VWA5B2: variants seen among roughly 807,000 people sequenced by gnomAD.
VWA5B2 encodes the protein von Willebrand factor A domain-containing protein 5B2.
VWA5B2 carries 93 observed loss-of-function variants against 118.5 expected under a neutral mutation model. That is an observed-to-expected ratio of 0.79 (90% CI 0.66 to 0.93). The LOEUF is 0.93. VWA5B2 is among the 40% of genes least tolerant of loss of function. The pLI is 0.00. For missense variants in VWA5B2, 1,546 were observed against 1,672.8 expected, an observed-to-expected ratio of 0.92 and a Z score of 1.32; for synonymous variants, 708 against 716.3, an observed-to-expected ratio of 0.99 and a Z score of 0.19.
chr3:184,241,762 C>G lies in VWA5B2; in HGVS notation c.3453C>G (p.Ser1151=), dbSNP rs1407546543. The change falls in exon 20 of 20, where the codon TCC becomes TCG. Residue 1151 remains serine, a synonymous_variant. Coordinates refer to ENST00000691901, the MANE Select transcript of VWA5B2 (RefSeq NM_001390846.1). This position sits in a 1 kb window ranked among gnomAD's most constrained non-coding sequence, Gnocchi z 5.1. ...DSGRGSDTEA[S]EGAEGLGGTD... is the part of the protein sequence containing the mutation. ...GGCGGGGCTCAGACACCGAGGCCTC[C>G]GAGGGGGCGGAAGGGCTGGGCGGCA... 3.4e-6 allele frequency: 5 copies of G among 1,482,634 alleles called. No individual in the cohort carries two copies. The highest frequency in any genetic ancestry group is 4.5e-6 in the Non-Finnish European group (5 of 1,119,236). The allele number at this position is 1,482,634 out of a possible 1,614,324, so 91.8% of individuals were successfully genotyped here.
chr3:184,235,958 CCA>C (rs1717937340), intron 8 of VWA5B2, among the ~76,000 whole-genome samples, 192 bp from the exon 9 acceptor site: 1 of 152,228 alleles, frequency 6.6e-6, no homozygotes, highest in Non-Finnish European at 1.5e-5. Context: ...ATGTGTACCT[CCA>C]GAGTCCCACA....
In VWA5B2 at chr3:184,238,832, C is replaced by T. The variant is rs543974000; in HGVS notation, c.2161C>T (p.Arg721Cys). The T allele has an allele frequency of 4.8e-5, 73 of 1,528,360 alleles. No individual in the cohort carries two copies. Among genetic ancestry groups the T allele is most frequent in the South Asian group, 3.4e-4 (28 of 82,880 alleles). 94.7% of individuals were successfully genotyped at this position (1,528,360 alleles called of 1,614,324 possible). ...GGCCTGGGGAGAACCTGCAGGCTCCCGCTCCTGTCCCCTGCCTGCACCCAC... is the reference window on the plus strand; with the variant it reads ...GGCCTGGGGAGAACCTGCAGGCTCCTGCTCCTGTCCCCTGCCTGCACCCAC... ...SLAWGEPAGS[R>C]SCPLPAPTPA... The change falls in exon 14 of 20, where the codon CGC becomes TGC. Residue 721 changes from arginine (R) to cysteine (C), a missense_variant. Physicochemically the swap from Arg to Cys is radical, Grantham distance 180. This residue lies in a region of VWA5B2 where 763 missense variants were observed against 766.6 expected (regional missense o/e 1.00). Coordinates refer to ENST00000691901, the MANE Select transcript of VWA5B2 (RefSeq NM_001390846.1). This position sits in a 1 kb window ranked among gnomAD's most constrained non-coding sequence, Gnocchi z 5.0.
intron 3 of VWA5B2, 78 bp downstream of exon 3, chr3:184,230,995 C>T: frequency 8.3e-7 from 1 of 1,199,674 alleles, no homozygotes. Context: ...GGCCTCCGCC[C>T]GTCCCCCGCC....
Position 184,238,168 on chromosome 3 carries a change from C to G in VWA5B2, c.1720-135C>G. The G allele has an allele frequency of 6.9e-5, 50 of 720,430 alleles. No homozygotes were observed. The highest frequency in any genetic ancestry group is 9.7e-5 in the Non-Finnish European group (45 of 462,218). The allele number at this position is 720,430 out of a possible 1,614,324, so 44.6% of individuals were successfully genotyped here. On this transcript the variant is annotated intron_variant, in intron 12 of 19. Coordinates refer to ENST00000691901, the MANE Select transcript of VWA5B2 (RefSeq NM_001390846.1). This position sits in a 1 kb window ranked among gnomAD's most constrained non-coding sequence, Gnocchi z 5.0. ...ACCCTTACAGTGAACATGTCTGCTT[C>G]CTCCTTCTTTAGTACTGGTCTTTTG... is the stretch of plus-strand genomic sequence containing the variant.
chr3:184,230,846 G>T lies in VWA5B2; in HGVS notation c.239G>T (p.Arg80Leu). The T allele has an allele frequency of 8.0e-7, 1 of 1,244,302 alleles. No homozygotes were observed. Among genetic ancestry groups the T allele is most frequent in the Non-Finnish European group, 1.0e-6 (1 of 994,500 alleles). 77.1% of individuals were successfully genotyped at this position (1,244,302 alleles called of 1,614,324 possible). A position where few individuals can be genotyped will look rare whatever the true frequency, so the allele number is the denominator to read the frequency against. The change falls in exon 3 of 20, where the codon CGC (arginine) becomes CTC (leucine). Residue 80 changes from arginine to leucine, a missense_variant. Coordinates refer to ENST00000691901, the MANE Select transcript of VWA5B2 (RefSeq NM_001390846.1). ...TCCTTCCAGCTGCAGAGCCGGCGCCGCTCGCAGGCCGCCTGCTGCCGCGCT... is the reference window on the plus strand; with the variant it reads ...TCCTTCCAGCTGCAGAGCCGGCGCCTCTCGCAGGCCGCCTGCTGCCGCGCT... ...RVSFQLQSRR[R>L]SQAACCRALG...
At position 184,236,241 on chromosome 3, in the gene VWA5B2, A is replaced by G. The variant is rs1717978558; in HGVS notation, c.1191A>G (p.Pro397=). The change falls in exon 9 of 20, where the codon CCA becomes CCG. Residue 397 remains proline, a synonymous_variant. Transcript: ENST00000691901. ...GGACGTTGGTGCAGCCACTCTTCCC[A>G]GAGAGCCGGCCTTGCAGTGATGTGA... is the stretch of plus-strand genomic sequence containing the variant. ...VFGTLVQPLF[P]ESRPCSDDAV... is the part of the protein sequence containing the mutation. The G allele has an allele frequency of 6.4e-7, 1 of 1,551,780 alleles. No homozygotes were observed. Among genetic ancestry groups the G allele is most frequent in the Non-Finnish European group, 8.7e-7 (1 of 1,147,002 alleles).
In VWA5B2 at chr3:184,237,552, C is replaced by A; in HGVS notation, c.1719+141C>A. 1 of 919,336 alleles carries A rather than the reference C, an allele frequency of 1.1e-6. No homozygotes were observed. Among genetic ancestry groups the A allele is most frequent in the Non-Finnish European group, 1.6e-6 (1 of 625,200 alleles). The allele number at this position is 919,336 out of a possible 1,614,324, so 56.9% of individuals were successfully genotyped here. On this transcript the variant is annotated intron_variant, in intron 12 of 19. Coordinates refer to ENST00000691901, the MANE Select transcript of VWA5B2 (RefSeq NM_001390846.1). The surrounding 1 kb of genome is among the most constrained non-coding windows in gnomAD (Gnocchi z 5.6). ...CAAGCTTCTCTACTATCCCCTAGGACTCCACAGAGATCACACTGGGCCCCC... is the reference window on the plus strand; with the variant it reads ...CAAGCTTCTCTACTATCCCCTAGGAATCCACAGAGATCACACTGGGCCCCC...
At position 184,241,802 on chromosome 3, in the gene VWA5B2, C is replaced by G; in HGVS notation, c.3493C>G (p.Arg1165Gly). Residue 1165 changes from arginine to glycine, a missense_variant, in exon 20 of 20, where the codon CGG becomes GGG. Around this residue, in one of 3 missense-constraint regions of VWA5B2, gnomAD observed 763 missense variants for 766.6 expected, o/e 1.00. Transcript: ENST00000691901. The surrounding 1 kb of genome is among the most constrained non-coding windows in gnomAD (Gnocchi z 5.1). ...EGLGGTDLRG[R>G]TWATAVALAW... is the part of the protein sequence containing the mutation. Reference sequence around the variant, plus strand: ...GCTGGGCGGCACCGACCTGCGGGGCCGGACCTGGGCCACTGCCGTAGCACT... The same window carrying G: ...GCTGGGCGGCACCGACCTGCGGGGCGGGACCTGGGCCACTGCCGTAGCACT... 6.7e-7 allele frequency: 1 copy of G among 1,503,166 alleles called. No individual in the cohort carries two copies. The highest frequency in any genetic ancestry group is 8.9e-7 in the Non-Finnish European group (1 of 1,127,576). 93.1% of individuals were successfully genotyped at this position (1,503,166 alleles called of 1,614,324 possible).
In VWA5B2 at chr3:184,233,751, G is replaced by C. The variant is rs1717661257; in HGVS notation, c.688+18G>C. On this transcript the variant is annotated intron_variant, in intron 5 of 19. Coordinates refer to ENST00000691901, the MANE Select transcript of VWA5B2 (RefSeq NM_001390846.1). This position sits in a 1 kb window ranked among gnomAD's most constrained non-coding sequence, Gnocchi z 5.2. ...GCTTGCAGGTGGGTGCATCTGGCTG[G>C]CCTGCCCTCTTTTCAGATGCCCACT... The C allele has an allele frequency of 1.9e-6, 3 of 1,548,862 alleles. No homozygotes were observed. Among genetic ancestry groups the C allele is most frequent in the East Asian group, 2.4e-5 (1 of 40,912 alleles).
At position 184,236,232 on chromosome 3, in the gene VWA5B2, A is replaced by G. The variant is rs753740315; in HGVS notation, c.1182A>G (p.Pro394=). ...NLAVFGTLVQ[P]LFPESRPCSD... ...CCGTGTTTGGGACGTTGGTGCAGCC[A>G]CTCTTCCCAGAGAGCCGGCCTTGCA... The change falls in exon 9 of 20, where the codon CCA becomes CCG. Residue 394 remains proline, a synonymous_variant. Coordinates refer to ENST00000691901, the MANE Select transcript of VWA5B2 (RefSeq NM_001390846.1). 5 of 1,551,572 alleles carry G rather than the reference A, an allele frequency of 3.2e-6. No individual in the cohort carries two copies. Among genetic ancestry groups the G allele is most frequent in the Admixed American group, 2.0e-5 (1 of 51,002 alleles).
At position 184,241,767 on chromosome 3, in the gene VWA5B2, G is replaced by A; in HGVS notation, c.3458G>A (p.Gly1153Glu). Residue 1153 changes from glycine to glutamate, a missense_variant, in exon 20 of 20, where the codon GGG (glycine) becomes GAG (glutamate). By Grantham distance (98) the Gly-to-Glu change is moderately conservative. Transcript: ENST00000691901. The surrounding 1 kb of genome is among the most constrained non-coding windows in gnomAD (Gnocchi z 5.1). Reference protein sequence around the residue: ...GRGSDTEASEGAEGLGGTDLR... With the variant: ...GRGSDTEASEEAEGLGGTDLR... Reference sequence around the variant, plus strand: ...GGCTCAGACACCGAGGCCTCCGAGGGGGCGGAAGGGCTGGGCGGCACCGAC... The same window carrying A: ...GGCTCAGACACCGAGGCCTCCGAGGAGGCGGAAGGGCTGGGCGGCACCGAC... 1.3e-6 allele frequency: 2 copies of A among 1,484,170 alleles called. No homozygotes were observed. The highest frequency in any genetic ancestry group is 1.8e-6 in the Non-Finnish European group (2 of 1,119,884). The allele number at this position is 1,484,170 out of a possible 1,614,324, so 91.9% of individuals were successfully genotyped here.
rs188099951 is a variant in VWA5B2, at chr3:184,236,380, T to C, written c.1250T>C (p.Leu417Pro). The change falls in exon 10 of 20, where the codon CTG (leucine) becomes CCG (proline). Residue 417 changes from leucine to proline, a missense_variant. Physicochemically the swap from Leu to Pro is moderately conservative, Grantham distance 98 (BLOSUM62 -3). Transcript: ENST00000691901. Reference protein sequence around the residue: ...VQLICESIETLQVPSGPPDVL... With the variant: ...VQLICESIETPQVPSGPPDVL... ...CTGATCTGCGAGAGCATTGAGACCC[T>C]GCAGGTTCCGAGTGGGCCCCCAGAC... The C allele has an allele frequency of 2.0e-3, 3,075 of 1,546,778 alleles. 7 individuals are homozygous for C. The highest frequency in any genetic ancestry group is 2.4e-3 in the Non-Finnish European group (2,764 of 1,143,940).
In VWA5B2 at chr3:184,239,379, A is replaced by T; in HGVS notation, c.2203-15A>T. 6.6e-7 allele frequency: 1 copy of T among 1,525,614 alleles called. No individual in the cohort carries two copies. The highest frequency in any genetic ancestry group is 8.8e-7 in the Non-Finnish European group (1 of 1,130,420). The allele number at this position is 1,525,614 out of a possible 1,614,324, so 94.5% of individuals were successfully genotyped here. ...CTGCATTCCTTGACCAGTGGCCCCC[A>T]TATCTCACATGCAGGTGGGGGCCTT... On this transcript the variant is annotated splice_polypyrimidine_tract_variant and intron_variant, in intron 14 of 19. Coordinates refer to ENST00000691901, the MANE Select transcript of VWA5B2 (RefSeq NM_001390846.1). The surrounding 1 kb of genome is among the most constrained non-coding windows in gnomAD (Gnocchi z 5.1).
chr3:184,239,205 G>A lies in VWA5B2; in HGVS notation c.2203-189G>A, dbSNP rs1653132407. 6.6e-6 allele frequency among the ~76,000 whole-genome samples: 1 copy of A among 152,196 alleles called. No individual in the cohort carries two copies. The highest frequency in any genetic ancestry group is 6.5e-5 in the Admixed American group (1 of 15,286). The stretch of plus-strand genomic sequence containing the variant: ...CCACAAGTGGGAAATAGGGAGTGGA[G>A]TGGGATGATGCTGGGAAGGGGCCAA... On this transcript the variant is annotated intron_variant, in intron 14 of 19. Coordinates refer to ENST00000691901, the MANE Select transcript of VWA5B2 (RefSeq NM_001390846.1). This position sits in a 1 kb window ranked among gnomAD's most constrained non-coding sequence, Gnocchi z 5.1.
chr3:184,235,684 G>A (rs1717895863), intron 8 of VWA5B2, among the ~76,000 whole-genome samples: 1 of 149,116 alleles, frequency 6.7e-6, no homozygotes, highest in Non-Finnish European at 1.5e-5. Flanking sequence ...ACACAGCCAT[G>A]TGTACCTCCA....
chr3:184,233,006 C>T lies in VWA5B2; in HGVS notation c.311-172C>T. The T allele has an allele frequency of 1.6e-6, 1 of 619,158 alleles. No individual in the cohort carries two copies. The allele number at this position is 619,158 out of a possible 1,614,324, so 38.4% of individuals were successfully genotyped here. ...TCTGTTCACAGTTAGTCTGCCTCTC[C>T]TGCCATCATTCATCTCATGCCTCCA... On this transcript the variant is annotated intron_variant, in intron 3 of 19. Coordinates refer to ENST00000691901, the MANE Select transcript of VWA5B2 (RefSeq NM_001390846.1). The surrounding 1 kb of genome is among the most constrained non-coding windows in gnomAD (Gnocchi z 5.2).
At chr3:184,230,696 CG>C (rs924413919) in intron 2 of VWA5B2, 29 bp downstream of exon 2, 9 of 1,227,326 alleles carry the variant, frequency 7.3e-6, no homozygotes, top group South Asian at 3.6e-5. Context: ...GCGGGCGCGG[CG>C]GGGGGTGCGC....
At position 184,230,988 on chromosome 3, in the gene VWA5B2, C is replaced by A. The variant is rs1189464244; in HGVS notation, c.310+71C>A. On this transcript the variant is annotated intron_variant, in intron 3 of 19. Coordinates refer to ENST00000691901, the MANE Select transcript of VWA5B2 (RefSeq NM_001390846.1). ...GCTCAGGCTCCCGCATCCGCTCGGC[C>A]TCCGCCCGTCCCCCGCCTTCCTCCG... is the stretch of plus-strand genomic sequence containing the variant. 5.0e-6 allele frequency: 6 copies of A among 1,202,360 alleles called. No homozygotes were observed. The African/African-American group carries it at 9.5e-5, about 19-fold the overall frequency. 74.5% of individuals were successfully genotyped at this position (1,202,360 alleles called of 1,614,324 possible).
Position 184,230,929 on chromosome 3 carries a change from G to A in VWA5B2, c.310+12G>A. 8.3e-7 allele frequency: 1 copy of A among 1,212,100 alleles called. No homozygotes were observed. The highest frequency in any genetic ancestry group is 3.2e-4 in the Middle Eastern group (1 of 3,080). The allele number at this position is 1,212,100 out of a possible 1,614,324, so 75.1% of individuals were successfully genotyped here. ...CCGCTGCGCGCAGGGTGAGTTCCGC[G>A]CGCCCGCACCCGCGCTCCTGAAAGC... On this transcript the variant is annotated intron_variant, in intron 3 of 19. Coordinates refer to ENST00000691901, the MANE Select transcript of VWA5B2 (RefSeq NM_001390846.1).
Sources: allele counts gnomAD v4.1 joint callset (sites outside exome capture counted in the v4.1 genomes callset), GRCh38; gene constraint gnomAD v4.1.1; regional missense constraint gnomAD v4.1.1; non-coding constraint Gnocchi (gnomAD v3.1); transcripts MANE v1.5; gene names NCBI Gene and HGNC (gene_info 2026-07-23, HGNC 2026-07-21).